ATP8A2: variants seen among roughly 807,000 people sequenced by gnomAD.
ATP8A2 encodes phospholipid-transporting ATPase IB.
In ATP8A2, 100 loss-of-function variants were observed where a neutral mutation model predicts 165.6. The observed-to-expected ratio is 0.60, with a 90% CI of 0.51 to 0.71. The LOEUF (loss-of-function observed/expected upper bound fraction) is 0.71. Among genes scored for constraint, ATP8A2 ranks in the 30% least tolerant of loss-of-function variants. ATP8A2 has a pLI of 0.00. For missense variants in ATP8A2, 1,227 were observed against 1,479.5 expected (o/e 0.83, Z 2.80); for synonymous variants, 543 against 548.8 (o/e 0.99, Z 0.15).
rs116611606 is a variant in ATP8A2 at position 25,714,303 on chromosome 13, G to A, written c.2384+14958G>A. Among the ~76,000 whole-genome samples, 1,127 of 152,086 alleles carry A rather than the reference G, an allele frequency of 7.4e-3. 14 individuals are homozygous for A. The highest frequency in any genetic ancestry group is 0.026 in the African/African-American group (1,061 of 41,490). On this transcript the variant is annotated intron_variant, in intron 25 of 36. Coordinates refer to ENST00000381655, the MANE Select transcript of ATP8A2 (RefSeq NM_016529.6). ...GCTCTCAAAGCAGGCTTTGCCCCAG[G>A]ACTATAACAGGATTTTGCCCCACTG...
intron 24 of ATP8A2, chr13:25,591,112 C>G: frequency 3.0e-6 from 1 of 330,832 alleles, no homozygotes; most frequent in Non-Finnish European, 5.9e-6. Context: ...CTCCATGGAA[C>G]CTCTCATCAT....
At chr13:25,945,155 G>A (rs1955179542) in intron 33 of ATP8A2, among the ~76,000 whole-genome samples, 1 of 152,160 alleles carries the variant, frequency 6.6e-6, no homozygotes, top group African/African-American at 2.4e-5. Context: ...TATGATTTGG[G>A]ATAACCTTGT....
chr13:25,540,537 A>G (rs1349949940), intron 8 of ATP8A2, 149 bp downstream of exon 8: 1 of 660,854 alleles, frequency 1.5e-6, no homozygotes, highest in Non-Finnish European at 2.7e-6. Context: ...TATGCCATTT[A>G]TGATGAGAGA....
intron 25 of ATP8A2, among the ~76,000 whole-genome samples, chr13:25,731,147 A>AAAGAAAG (rs375465995): frequency 3.2e-5 from 4 of 123,316 alleles, no homozygotes; most frequent in African/African-American, 1.3e-4. Context: ...AGAGAGAAAT[A>AAAGAAAG]AAAGAAAGAA....
chr13:25,400,391 A>G (rs1023865917), intron 1 of ATP8A2, among the ~76,000 whole-genome samples: 7 of 152,206 alleles, frequency 4.6e-5, no homozygotes, highest in Non-Finnish European at 7.3e-5. Flanking sequence ...TTATTGATAC[A>G]TAATATTTTA....
intron 35 of ATP8A2, among the ~76,000 whole-genome samples, chr13:26,004,311 T>C (rs1238640371): frequency 6.6e-6 from 1 of 152,124 alleles, no homozygotes; most frequent in Non-Finnish European, 1.5e-5. Context: ...CATTTTTGGA[T>C]AGTTCATTAT....
intron 34 of ATP8A2, among the ~76,000 whole-genome samples, chr13:25,964,324 A>C (rs1467426100): frequency 6.6e-6 from 1 of 151,874 alleles, no homozygotes; most frequent in Admixed American, 6.6e-5. Context: ...AACTACCCTC[A>C]CCCCTCTCCT....
chr13:25,619,921 A>C (rs9511834), intron 24 of ATP8A2, among the ~76,000 whole-genome samples: 77,042 of 152,038 alleles, frequency 0.51, 20,859 homozygotes, highest in Admixed American at 0.61. Flanking sequence ...CACGGGCCGT[A>C]GTTTACTGAC....
chr13:25,784,498 T>C (rs972475811), intron 27 of ATP8A2, among the ~76,000 whole-genome samples: 1 of 152,224 alleles, frequency 6.6e-6, no homozygotes, highest in African/African-American at 2.4e-5. Flanking sequence ...GGGGTGAATG[T>C]TACTTTTATT....
At chr13:25,909,065 A>G (rs529261440) in intron 33 of ATP8A2, among the ~76,000 whole-genome samples, 1 of 152,222 alleles carries the variant, frequency 6.6e-6, no homozygotes, top group Non-Finnish European at 1.5e-5. Flanking sequence ...TAATATCTAC[A>G]TATTAAATCT....
Position 25,574,675 on chromosome 13 carries a change from T to A in ATP8A2, c.1663-133T>A, listed in dbSNP as rs930900844. 8.4e-5 allele frequency: 58 copies of A among 687,788 alleles called. 1 individual carries two copies. In the Admixed American group the frequency reaches 1.4e-3, roughly 17 times the overall value. 42.6% of individuals were successfully genotyped at this position (687,788 alleles called of 1,614,324 possible). A position where few individuals can be genotyped will look rare whatever the true frequency, so the allele number is the denominator to read the frequency against. Reference sequence around the variant, plus strand: ...CCCCACCAGACTTGTGAGAAAACAGTACATGTTGCAAAGGGCTAGAAGGTG... The same window carrying A: ...CCCCACCAGACTTGTGAGAAAACAGAACATGTTGCAAAGGGCTAGAAGGTG... On this transcript the variant is annotated intron_variant, in intron 18 of 36. Coordinates refer to ENST00000381655, the MANE Select transcript of ATP8A2 (RefSeq NM_016529.6).
At chr13:25,643,455 T>C (rs1235568593) in intron 24 of ATP8A2, among the ~76,000 whole-genome samples, 1 of 152,120 alleles carries the variant, frequency 6.6e-6, no homozygotes, top group Non-Finnish European at 1.5e-5. Flanking sequence ...CATTTATATA[T>C]GGTAAGAGAC....
intron 2 of ATP8A2, among the ~76,000 whole-genome samples, chr13:25,503,017 G>A (rs1439053606): frequency 6.6e-6 from 1 of 152,188 alleles, no homozygotes; most frequent in African/African-American, 2.4e-5. Flanking sequence ...GTCCAGCCGA[G>A]AGTGCTGTCA....
rs534615967 is a variant in ATP8A2 at position 25,817,534 on chromosome 13, C to T, written c.2680-10584C>T. Among the ~76,000 whole-genome samples, 135 of 152,078 alleles carry T rather than the reference C, an allele frequency of 8.9e-4. 1 individual carries two copies. Among genetic ancestry groups the T allele is most frequent in the African/African-American group, 2.9e-3 (119 of 41,498 alleles). On this transcript the variant is annotated intron_variant, in intron 27 of 36. Transcript: ENST00000381655. ...TGAGCTATAAGATTCAACTTTCTTG[C>T]GTTAGTTGGGATTTTAACGGAAAAG... is the stretch of plus-strand genomic sequence containing the variant.
intron 25 of ATP8A2, among the ~76,000 whole-genome samples, chr13:25,716,542 T>G (rs2043259394): frequency 6.6e-6 from 1 of 152,210 alleles, no homozygotes; most frequent in Admixed American, 6.5e-5. Context: ...ACATGGATAT[T>G]CAGTTTTTCC....
At chr13:25,676,154 G>A (rs190350227) in intron 24 of ATP8A2, among the ~76,000 whole-genome samples, 6 of 152,310 alleles carry the variant, frequency 3.9e-5, no homozygotes, top group Middle Eastern at 3.4e-3. Flanking sequence ...AACTGCAAGT[G>A]ATCTGATTGG....
At chr13:25,895,628 C>G (rs1238202210) in intron 33 of ATP8A2, among the ~76,000 whole-genome samples, 1 of 152,216 alleles carries the variant, frequency 6.6e-6, no homozygotes. Context: ...CTCCTTGTAC[C>G]TCTGGTAGAA....
In ATP8A2 at chr13:25,750,525, C is replaced by T. The variant is rs934003912; in HGVS notation, c.2385-18521C>T. Among the ~76,000 whole-genome samples, 5 of 152,258 alleles carry T rather than the reference C, an allele frequency of 3.3e-5. No homozygotes were observed. The highest frequency in any genetic ancestry group is 3.9e-4 in the East Asian group (2 of 5,164). ...ATGTTGCTCTGCCCGGCTCCCATTC[C>T]GAAGGCCGGTGGTTTCAGCCCAGCT... On this transcript the variant is annotated intron_variant, in intron 25 of 36. Transcript: ENST00000381655. The surrounding 1 kb of genome is among the most constrained non-coding windows in gnomAD (Gnocchi z 4.3).
At chr13:26,012,677 G>T in intron 36 of ATP8A2, 55 bp downstream of exon 36, 1 of 1,135,420 alleles carries the variant, frequency 8.8e-7, no homozygotes. Flanking sequence ...CGGGGCGGGG[G>T]TTGATGAGGA....
Sources: gnomAD v4.1 joint callset for allele counts (sites outside exome capture counted in the v4.1 genomes callset) on GRCh38, gnomAD v4.1.1 for gene constraint, Gnocchi (gnomAD v3.1) non-coding constraint, MANE v1.5 for transcripts, NCBI Gene and HGNC (gene_info 2026-07-23, HGNC 2026-07-21) for gene names.